CSNK1A1: variants seen among roughly 807,000 people sequenced by gnomAD.
The protein encoded by CSNK1A1 is casein kinase I isoform alpha.
A neutral mutation model predicts 46.1 loss-of-function variants in CSNK1A1; 7 were observed. The ratio of observed to expected loss-of-function variants is 0.15; its 90% confidence interval spans 0.09 to 0.29. The LOEUF is 0.29. Among genes scored for constraint, CSNK1A1 ranks in the 10% least tolerant of loss-of-function variants. CSNK1A1 has a pLI of 1.00. For missense variants in CSNK1A1, 96 were observed against 417.1 expected (o/e 0.23, Z 6.71); for synonymous variants, 137 against 141.5 (o/e 0.97, Z 0.23).
intron 2 of CSNK1A1, among the ~76,000 whole-genome samples, chr5:149,531,253 G>C (rs1166088228): frequency 6.6e-6 from 1 of 152,032 alleles, no homozygotes; most frequent in Non-Finnish European, 1.5e-5. Context: ...TCAATTTTGG[G>C]GCCAGGCACA....
At chr5:149,544,687 C>T (rs1236086085) in intron 2 of CSNK1A1, among the ~76,000 whole-genome samples, 4 of 143,246 alleles carry the variant, frequency 2.8e-5, no homozygotes, top group African/African-American at 1.1e-4. Flanking sequence ...CAAGATCAAC[C>T]CCTCTTCTTC....
rs1760564401 is a variant in CSNK1A1 at position 149,493,013 on chromosome 5, A to G, written c.*3840T>C. 1 of 152,214 alleles carries G rather than the reference A, an allele frequency of 6.6e-6. No individual in the cohort carries two copies. The highest frequency in any genetic ancestry group is 2.4e-5 in the African/African-American group (1 of 41,454). 9.4% of individuals were successfully genotyped at this position (152,214 alleles called of 1,614,324 possible). A position where few individuals can be genotyped will look rare whatever the true frequency, so the allele number is the denominator to read the frequency against. ...TGCTACCAGTTTATTTTGATAATTG[A>G]CACAGATTTAGCAAGTATAATCCTT... is the stretch of plus-strand genomic sequence containing the variant. On this transcript the variant is annotated 3_prime_UTR_variant, in exon 10 of 10. Transcript: ENST00000377843.
At chr5:149,523,197 C>T (rs545634943) in intron 3 of CSNK1A1, among the ~76,000 whole-genome samples, 2 of 152,086 alleles carry the variant, frequency 1.3e-5, no homozygotes, top group African/African-American at 4.8e-5. Flanking sequence ...TCAGCCACCA[C>T]GCCTGGCTAA....
chr5:149,525,005 T>C lies in CSNK1A1; in HGVS notation c.357+40A>G, dbSNP rs376647156. The C allele has an allele frequency of 4.2e-5, 66 of 1,571,890 alleles. No homozygotes were observed. Among genetic ancestry groups the C allele is most frequent in the Non-Finnish European group, 5.5e-5 (64 of 1,154,922 alleles). On this transcript the variant is annotated intron_variant, in intron 3 of 9. Transcript: ENST00000377843. The surrounding 1 kb of genome is among the most constrained non-coding windows in gnomAD (Gnocchi z 4.2). ...TGAATAATGAAATTCCAGTCAACAG[T>C]ACTAGTCTCAGTTTATATTCTAATC...
At position 149,509,869 on chromosome 5, in the gene CSNK1A1, G is replaced by A; in HGVS notation, c.750+10C>T. ...TTTATATTTTTTTAATATTCATCAT[G>A]CATACTTACCTTACATAAAACTTCA... On this transcript the variant is annotated intron_variant, in intron 7 of 9. Coordinates refer to ENST00000377843, the MANE Select transcript of CSNK1A1 (RefSeq NM_001892.6). 2 of 1,587,974 alleles carry A rather than the reference G, an allele frequency of 1.3e-6. No individual in the cohort carries two copies. The highest frequency in any genetic ancestry group is 8.6e-7 in the Non-Finnish European group (1 of 1,160,274).
rs545087263 is a variant in CSNK1A1, at chr5:149,550,998, C to T, written c.-34G>A. The T allele has an allele frequency of 3.1e-6, 5 of 1,612,956 alleles. No individual in the cohort carries two copies. In the Admixed American group the frequency reaches 6.7e-5, roughly 22 times the overall value. Reference sequence around the variant, plus strand: ...ACGAAGATGGAGGCTGGGGCCAAGCCCCGACACCTCTGGGAAGAGGACGGA... The same window carrying T: ...ACGAAGATGGAGGCTGGGGCCAAGCTCCGACACCTCTGGGAAGAGGACGGA... On this transcript the variant is annotated 5_prime_UTR_variant, in exon 1 of 10. Transcript: ENST00000377843. This position sits in a 1 kb window ranked among gnomAD's most constrained non-coding sequence, Gnocchi z 4.3.
intron 2 of CSNK1A1, among the ~76,000 whole-genome samples, chr5:149,537,555 T>C (rs1294233295): frequency 6.6e-6 from 1 of 151,866 alleles, no homozygotes; most frequent in African/African-American, 2.4e-5. Context: ...CTCTGGTCTT[T>C]AGTAGAAATT....
intron 3 of CSNK1A1, among the ~76,000 whole-genome samples, chr5:149,522,227 C>T (rs985450313): frequency 2.0e-5 from 3 of 152,010 alleles, no homozygotes; most frequent in African/African-American, 4.8e-5. Context: ...CTCAGCTCAG[C>T]CCCCTGAGAA....
chr5:149,545,627 C>T, intron 2 of CSNK1A1: 1 of 878,246 alleles, frequency 1.1e-6, no homozygotes, highest in East Asian at 2.8e-5. Flanking sequence ...TTTACGAGGG[C>T]CCTGCTAGCC....
intron 9 of CSNK1A1, chr5:149,502,931 G>A: frequency 1.7e-6 from 1 of 604,494 alleles, no homozygotes; most frequent in South Asian, 7.2e-5. Flanking sequence ...ACCACACCTG[G>A]CTAATTTTTG....
intron 2 of CSNK1A1, among the ~76,000 whole-genome samples, chr5:149,534,482 C>CAAAAAAAAAAAAAAAAAAAAAAAAA (rs10597922): frequency 2.1e-5 from 2 of 94,986 alleles, no homozygotes; most frequent in Admixed American, 1.1e-4. Flanking sequence ...GACTCTGTCT[C>CAAAAAAAAAAAAAAAAAAAAAAAAA]AAAAAAAAAA....
intron 9 of CSNK1A1, chr5:149,499,181 A>T: frequency 1.0e-6 from 1 of 985,056 alleles, no homozygotes; most frequent in Non-Finnish European, 1.2e-6. Context: ...CCCAATACGC[A>T]TTGGTCTTTG....
Position 149,503,150 on chromosome 5 carries a change from C to T in CSNK1A1, c.1006+2297G>A, listed in dbSNP as rs928206462. The T allele has an allele frequency of 1.9e-5, 19 of 985,260 alleles. No individual in the cohort carries two copies. The South Asian group carries it at 6.1e-4, about 32-fold the overall frequency. 61.0% of individuals were successfully genotyped at this position (985,260 alleles called of 1,614,324 possible). A position where few individuals can be genotyped will look rare whatever the true frequency, so the allele number is the denominator to read the frequency against. On this transcript the variant is annotated intron_variant, in intron 9 of 9. Transcript: ENST00000377843. ...GCCCTTGTTACTTAGAGACTGGAAG[C>T]AGGAATAACATAGAGCAATTGTTTT...
chr5:149,517,753 T>C lies in CSNK1A1; in HGVS notation c.456+2537A>G, dbSNP rs780716974. On this transcript the variant is annotated intron_variant, in intron 4 of 9. Coordinates refer to ENST00000377843, the MANE Select transcript of CSNK1A1 (RefSeq NM_001892.6). This position sits in a 1 kb window ranked among gnomAD's most constrained non-coding sequence, Gnocchi z 4.4. ...TAAAACAATAAAAAAGAAAAGCACA[T>C]GAATTTGGGATTGAGGTTGGAATAG... 18 of 1,223,454 alleles carry C rather than the reference T, an allele frequency of 1.5e-5. No individual in the cohort carries two copies. In the East Asian group the frequency reaches 3.6e-4, roughly 25 times the overall value. The allele number at this position is 1,223,454 out of a possible 1,614,324, so 75.8% of individuals were successfully genotyped here. A position where few individuals can be genotyped will look rare whatever the true frequency, so the allele number is the denominator to read the frequency against.
At chr5:149,534,792 G>A (rs976179917) in intron 2 of CSNK1A1, among the ~76,000 whole-genome samples, 2 of 151,504 alleles carry the variant, frequency 1.3e-5, no homozygotes, top group Non-Finnish European at 2.9e-5. Flanking sequence ...TTAGCCAGGC[G>A]TGGTGGCATG....
intron 5 of CSNK1A1, among the ~76,000 whole-genome samples, chr5:149,512,278 TAC>T (rs1224621822): frequency 1.3e-5 from 2 of 152,012 alleles, no homozygotes; most frequent in Admixed American, 1.3e-4. Context: ...TATTCATGCA[TAC>T]ATATCTATAT....
At chr5:149,542,638 A>ATATG (rs1762309881) in intron 2 of CSNK1A1, among the ~76,000 whole-genome samples, 4 of 12,886 alleles carry the variant, frequency 3.1e-4, no homozygotes, top group East Asian at 0.011. Flanking sequence ...ATATATATAT[A>ATATG]TGTATATATA....
At chr5:149,524,477 A>G (rs1761670260) in intron 3 of CSNK1A1, among the ~76,000 whole-genome samples, 1 of 152,130 alleles carries the variant, frequency 6.6e-6, no homozygotes, top group South Asian at 2.1e-4. Context: ...TTTGGCTGTA[A>G]AAACCATTTA....
intron 2 of CSNK1A1, among the ~76,000 whole-genome samples, chr5:149,548,332 T>C (rs1296962081): frequency 3.0e-4 from 44 of 147,594 alleles, no homozygotes; most frequent in Middle Eastern, 3.8e-3. Context: ...TTTGGGAGGC[T>C]GAGGCAGGTG....
Sources: allele counts gnomAD v4.1 joint callset (sites outside exome capture counted in the v4.1 genomes callset), GRCh38; gene constraint gnomAD v4.1.1; non-coding constraint Gnocchi (gnomAD v3.1); transcripts MANE v1.5; gene names NCBI Gene and HGNC (gene_info 2026-07-23, HGNC 2026-07-21).